The following CNGB3 variants were observed in gnomAD, a reference collection of about 807,000 sequenced individuals.
The protein encoded by CNGB3 is cyclic nucleotide gated channel subunit beta 3, also known as cyclic nucleotide-gated channel beta-3.
Under a neutral mutation model 92.8 loss-of-function variants are expected in CNGB3, and 86 were observed. That is an observed-to-expected ratio of 0.93 (90% CI 0.78 to 1.11). CNGB3 has a LOEUF of 1.11. CNGB3 is among the 50% of genes least tolerant of loss of function. The pLI, the probability that CNGB3 is intolerant of heterozygous loss-of-function variation, is 0.00. For missense variants in CNGB3, 1,026 were observed against 956.8 expected, an observed-to-expected ratio of 1.07 and a Z score of -0.95; for synonymous variants, 333 against 332.7, an observed-to-expected ratio of 1.00 and a Z score of -0.01.
intron 14 of CNGB3, among the ~76,000 whole-genome samples, chr8:86,605,436 T>C (rs190769719): frequency 6.6e-6 from 1 of 152,150 alleles, no homozygotes; most frequent in Non-Finnish European, 1.5e-5. Context: ...GAATGAGCAG[T>C]GCCTTGATCA....
intron 4 of CNGB3, among the ~76,000 whole-genome samples, chr8:86,669,118 G>T (rs778686060): frequency 6.6e-6 from 1 of 152,016 alleles, no homozygotes; most frequent in Non-Finnish European, 1.5e-5. Context: ...TGCTTTAAAA[G>T]CTCATTGTAA....
intron 3 of CNGB3, among the ~76,000 whole-genome samples, chr8:86,724,328 A>T (rs539794795): frequency 1.2e-4 from 19 of 152,232 alleles, no homozygotes; most frequent in African/African-American, 4.6e-4. Flanking sequence ...TATGCTACTG[A>T]TTATTCTTGC....
chr8:86,578,186 G>A (rs937335676), intron 17 of CNGB3, among the ~76,000 whole-genome samples: 15 of 152,124 alleles, frequency 9.9e-5, no homozygotes, highest in African/African-American at 3.6e-4. Flanking sequence ...TGGGATTACA[G>A]GTGTGAGCCA....
intron 15 of CNGB3, among the ~76,000 whole-genome samples, chr8:86,587,275 C>T (rs1025143269): frequency 1.3e-5 from 2 of 151,922 alleles, no homozygotes; most frequent in African/African-American, 4.8e-5. Flanking sequence ...AATTTTCTCC[C>T]ATTTTGTAGG....
At chr8:86,608,516 G>C (rs546415107) in intron 14 of CNGB3, among the ~76,000 whole-genome samples, 143 of 152,308 alleles carry the variant, frequency 9.4e-4, no homozygotes, top group African/African-American at 3.3e-3. Flanking sequence ...ACCTCTTGTG[G>C]AGGACCTGAC....
intron 17 of CNGB3, 105 bp from the exon 18 acceptor site, chr8:86,576,235 GTC>G (rs1821660214): frequency 1.7e-6 from 2 of 1,195,228 alleles, no homozygotes; most frequent in Admixed American, 4.0e-5. Context: ...AAGACAGACT[GTC>G]TGAATTAAGT....
At chr8:86,614,554 A>G (rs1822580918) in intron 13 of CNGB3, among the ~76,000 whole-genome samples, 1 of 152,052 alleles carries the variant, frequency 6.6e-6, no homozygotes, top group South Asian at 2.1e-4. Flanking sequence ...AAATGCTTCT[A>G]TTACTTCATG....
intron 12 of CNGB3, among the ~76,000 whole-genome samples, chr8:86,628,454 A>G (rs1417089196): frequency 1.3e-5 from 2 of 152,282 alleles, no homozygotes; most frequent in South Asian, 4.1e-4. Flanking sequence ...TCAAGGGTCA[A>G]CTGTACTGTG....
chr8:86,701,482 A>G lies in CNGB3; in HGVS notation c.338+25049T>C, dbSNP rs149695124. On this transcript the variant is annotated intron_variant, in intron 3 of 17. Transcript: ENST00000320005. ...CTCATAAATCTTCTAATTCAATTGC[A>G]CTTAAACAAGAATCCTCTCTACATC... is the stretch of plus-strand genomic sequence containing the variant. 3.0e-4 allele frequency among the ~76,000 whole-genome samples: 45 copies of G among 152,310 alleles called. No individual in the cohort carries two copies. In the East Asian group the frequency reaches 8.7e-3, roughly 29 times the overall value.
intron 3 of CNGB3, among the ~76,000 whole-genome samples, chr8:86,694,214 C>A (rs112054431): frequency 7.3e-6 from 1 of 137,058 alleles, no homozygotes; most frequent in African/African-American, 2.8e-5. Flanking sequence ...GGCGGCTGGC[C>A]GGGCGGGGGG....
intron 3 of CNGB3, among the ~76,000 whole-genome samples, chr8:86,697,521 T>C (rs1824471684): frequency 6.6e-6 from 1 of 152,236 alleles, no homozygotes; most frequent in South Asian, 2.1e-4. Flanking sequence ...CTGGTACACT[T>C]TTCCAACTGT....
At chr8:86,576,165 A>C (rs777022477) in intron 17 of CNGB3, 35 bp from the exon 18 acceptor site, 1 of 1,596,034 alleles carries the variant, frequency 6.3e-7, no homozygotes, top group Non-Finnish European at 8.5e-7. Flanking sequence ...TGGTGTTGAA[A>C]TCGTAATTAA....
chr8:86,737,049 A>G (rs1304411539), intron 2 of CNGB3, among the ~76,000 whole-genome samples: 3 of 152,120 alleles, frequency 2.0e-5, no homozygotes, highest in South Asian at 2.1e-4. Context: ...CTGATTTTCT[A>G]TTTGGAAGAT....
intron 3 of CNGB3, among the ~76,000 whole-genome samples, chr8:86,715,504 C>T (rs967239520): frequency 3.9e-5 from 6 of 152,124 alleles, no homozygotes; most frequent in African/African-American, 1.4e-4. Context: ...GGGAAATCAC[C>T]ACATCATGGG....
intron 14 of CNGB3, among the ~76,000 whole-genome samples, chr8:86,606,229 C>A (rs548624823): frequency 1.4e-5 from 2 of 144,984 alleles, no homozygotes; most frequent in South Asian, 4.5e-4. Flanking sequence ...CAGCTCACTG[C>A]AACCTCTGCT....
chr8:86,675,564 C>T (rs1051369745), intron 3 of CNGB3, among the ~76,000 whole-genome samples: 2 of 151,964 alleles, frequency 1.3e-5, no homozygotes, highest in Non-Finnish European at 2.9e-5. Context: ...AAGGTGTGTG[C>T]CATCATGCCT....
intron 3 of CNGB3, among the ~76,000 whole-genome samples, chr8:86,695,801 A>G (rs565756585): frequency 1.8e-4 from 27 of 152,238 alleles, no homozygotes; most frequent in African/African-American, 5.8e-4. Context: ...TTTTGGACTC[A>G]AGGGCTGCTG....
intron 15 of CNGB3, among the ~76,000 whole-genome samples, chr8:86,596,400 A>G (rs1471339386): frequency 6.6e-6 from 1 of 152,134 alleles, no homozygotes; most frequent in Non-Finnish European, 1.5e-5. Flanking sequence ...TAAACCTCAA[A>G]TAAATAAAAT....
chr8:86,668,006 C>G lies in CNGB3; in HGVS notation c.643+13G>C. Reference sequence around the variant, plus strand: ...CAGCCCTCCCACTATGATAATTCACCCTTTGATAATACCTGTGTATGAATC... The same window carrying G: ...CAGCCCTCCCACTATGATAATTCACGCTTTGATAATACCTGTGTATGAATC... On this transcript the variant is annotated intron_variant, in intron 5 of 17. Coordinates refer to ENST00000320005, the MANE Select transcript of CNGB3 (RefSeq NM_019098.5). The G allele has an allele frequency of 1.2e-6, 2 of 1,613,670 alleles. No homozygotes were observed. The highest frequency in any genetic ancestry group is 8.5e-7 in the Non-Finnish European group (1 of 1,179,854).
Sources: gnomAD v4.1 joint callset for allele counts (sites outside exome capture counted in the v4.1 genomes callset) on GRCh38, gnomAD v4.1.1 for gene constraint, MANE v1.5 for transcripts, NCBI Gene and HGNC (gene_info 2026-07-23, HGNC 2026-07-21) for gene names.